Variants in JARID2 observed in about 807,000 individuals in gnomAD.
JARID2 encodes jumonji and AT-rich interaction domain containing 2.
Under a neutral mutation model 125.6 loss-of-function variants are expected in JARID2, and 21 were observed. That is an observed-to-expected ratio of 0.17 (90% confidence interval 0.12 to 0.24). The LOEUF is 0.24. Ranked by LOEUF, JARID2 falls within the 10% of genes least tolerant of loss-of-function variation. JARID2 has a pLI of 1.00. For synonymous variants in JARID2, 736 were observed against 661.6 expected (o/e 1.11, Z -1.73); for missense variants, 1,303 against 1,639.6 (o/e 0.79, Z 3.55).
At chr6:15,440,838 T>A (rs1256962722) in intron 3 of JARID2, among the ~76,000 whole-genome samples, 1 of 152,230 alleles carries the variant, frequency 6.6e-6, no homozygotes, top group Non-Finnish European at 1.5e-5. Flanking sequence ...ATTTTTTAAA[T>A]TATGATTGTG....
chr6:15,437,384 C>T (rs2282826), intron 3 of JARID2, among the ~76,000 whole-genome samples: 82,123 of 151,982 alleles, frequency 0.54, 22,712 homozygotes, highest in African/African-American at 0.64. Flanking sequence ...AGCTGAATCA[C>T]ACCATGAACC....
intron 1 of JARID2, among the ~76,000 whole-genome samples, chr6:15,263,102 G>C (rs1232983400): frequency 6.6e-6 from 1 of 150,656 alleles, no homozygotes; most frequent in Non-Finnish European, 1.5e-5. Context: ...GTGTGTGTGT[G>C]TGTGTGTGTG....
intron 2 of JARID2, among the ~76,000 whole-genome samples, chr6:15,407,315 G>C (rs1765690659): frequency 6.6e-6 from 1 of 152,106 alleles, no homozygotes; most frequent in South Asian, 2.1e-4. Context: ...AGCAGCATTA[G>C]TGTCACCTGG....
rs372387310 is a variant in JARID2 at position 15,340,096 on chromosome 6, A to G, written c.46-34021A>G. Among the ~76,000 whole-genome samples, 24 of 152,094 alleles carry G rather than the reference A, an allele frequency of 1.6e-4. 1 individual carries two copies. In the East Asian group the frequency reaches 2.1e-3, roughly 13 times the overall value. ...CACCTCAGCCTCCTCAGTAGCTGGGATTACAGGTGCATGCCACCATGCCCG... is the reference window on the plus strand; with the variant it reads ...CACCTCAGCCTCCTCAGTAGCTGGGGTTACAGGTGCATGCCACCATGCCCG... On this transcript the variant is annotated intron_variant, in intron 1 of 17. Coordinates refer to ENST00000341776, the MANE Select transcript of JARID2 (RefSeq NM_004973.4).
At chr6:15,280,113 T>TTTCTTC (rs1465353876) in intron 1 of JARID2, among the ~76,000 whole-genome samples, 1 of 152,164 alleles carries the variant, frequency 6.6e-6, no homozygotes, top group Non-Finnish European at 1.5e-5. Context: ...ATCCGTGACT[T>TTTCTTC]TGGAAATTTT....
At chr6:15,297,983 A>G (rs1283233540) in intron 1 of JARID2, among the ~76,000 whole-genome samples, 2 of 152,086 alleles carry the variant, frequency 1.3e-5, no homozygotes, top group African/African-American at 4.8e-5. Context: ...AATGAAATCT[A>G]TGCACAAGTA....
intron 1 of JARID2, among the ~76,000 whole-genome samples, chr6:15,305,465 ATCC>A (rs1761786500): frequency 6.6e-6 from 1 of 152,146 alleles, no homozygotes. Context: ...TTCATTCCCC[ATCC>A]TCCTCCTCTT....
chr6:15,353,869 A>G (rs1763511250), intron 1 of JARID2, among the ~76,000 whole-genome samples: 1 of 152,230 alleles, frequency 6.6e-6, no homozygotes, highest in Non-Finnish European at 1.5e-5. Context: ...CTTCGTCAGT[A>G]GGAAATTCAA....
intron 1 of JARID2, among the ~76,000 whole-genome samples, chr6:15,256,116 T>C (rs1759654798): frequency 6.6e-6 from 1 of 152,248 alleles, no homozygotes; most frequent in African/African-American, 2.4e-5. Context: ...TGCATACTGC[T>C]GCACAAATGC....
chr6:15,372,966 A>G (rs1458901296), intron 1 of JARID2, among the ~76,000 whole-genome samples: 6 of 150,778 alleles, frequency 4.0e-5, no homozygotes, highest in African/African-American at 1.5e-4. Context: ...CTTGGCCCCC[A>G]AAAGTGCTGG....
chr6:15,503,049 G>A (rs1770817625), intron 8 of JARID2, among the ~76,000 whole-genome samples: 1 of 152,228 alleles, frequency 6.6e-6, no homozygotes, highest in Admixed American at 6.5e-5. Flanking sequence ...CAAATAAGAG[G>A]TTTGGATTTG....
intron 5 of JARID2, among the ~76,000 whole-genome samples, chr6:15,475,892 C>T (rs1342237796): frequency 2.6e-5 from 4 of 152,178 alleles, no homozygotes; most frequent in Non-Finnish European, 4.4e-5. Context: ...AATAGGTTTT[C>T]TTGCAGGGAG....
chr6:15,332,224 G>A (rs551427768), intron 1 of JARID2, among the ~76,000 whole-genome samples: 28 of 152,264 alleles, frequency 1.8e-4, no homozygotes, highest in African/African-American at 6.5e-4. Flanking sequence ...TATTTACAGG[G>A]CATGTCAAAT....
intron 1 of JARID2, among the ~76,000 whole-genome samples, chr6:15,335,955 A>G (rs1049005698): frequency 6.6e-6 from 1 of 152,134 alleles, no homozygotes; most frequent in Non-Finnish European, 1.5e-5. Context: ...AGGTGGTGGT[A>G]TGTACCCGTG....
chr6:15,288,014 G>C (rs1761067201), intron 1 of JARID2, among the ~76,000 whole-genome samples: 2 of 152,158 alleles, frequency 1.3e-5, no homozygotes, highest in Admixed American at 1.3e-4. Context: ...TGAGGCAGAT[G>C]GAACAAAGCT....
At chr6:15,287,091 A>T (rs565433294) in intron 1 of JARID2, among the ~76,000 whole-genome samples, 1 of 152,062 alleles carries the variant, frequency 6.6e-6, no homozygotes, top group South Asian at 2.1e-4. Flanking sequence ...GCGTCATTGA[A>T]CTCCAGCCTG....
intron 1 of JARID2, among the ~76,000 whole-genome samples, chr6:15,268,799 T>G (rs969975192): frequency 6.6e-6 from 1 of 152,212 alleles, no homozygotes; most frequent in African/African-American, 2.4e-5. Flanking sequence ...AAGAATTTGC[T>G]TTTCCTTTTC....
At chr6:15,483,386 CTGT>C (rs1016473198) in intron 5 of JARID2, among the ~76,000 whole-genome samples, 2 of 89,370 alleles carry the variant, frequency 2.2e-5, no homozygotes, top group Non-Finnish European at 4.4e-5. Context: ...GTGAAACTGG[CTGT>C]TTTTTTTTTT....
At chr6:15,290,737 G>C (rs1487310876) in intron 1 of JARID2, among the ~76,000 whole-genome samples, 1 of 152,120 alleles carries the variant, frequency 6.6e-6, no homozygotes, top group Non-Finnish European at 1.5e-5. Context: ...TCCTGCCTCA[G>C]CCTCCTGAGT....
Sources: gnomAD v4.1 joint callset for allele counts (sites outside exome capture counted in the v4.1 genomes callset) on GRCh38, gnomAD v4.1.1 for gene constraint, MANE v1.5 for transcripts, NCBI Gene and HGNC (gene_info 2026-07-23, HGNC 2026-07-21) for gene names.